ARHGAP30: variants seen among roughly 807,000 people sequenced by gnomAD.
The protein encoded by ARHGAP30 is rho GTPase-activating protein 30.
Under a neutral mutation model 72.0 loss-of-function variants are expected in ARHGAP30, and 23 were observed. The ratio of observed to expected loss-of-function variants is 0.32; its 90% confidence interval spans 0.23 to 0.45. The LOEUF (loss-of-function observed/expected upper bound fraction) is 0.45. Ranked by LOEUF, ARHGAP30 falls within the 20% of genes least tolerant of loss-of-function variation. ARHGAP30 has a pLI of 1.00. For synonymous variants in ARHGAP30, 576 were observed against 528.2 expected, an observed-to-expected ratio of 1.09 and a Z score of -1.24; for missense variants, 1,319 against 1,383.4, an observed-to-expected ratio of 0.95 and a Z score of 0.74.
chr1:161,054,809 T>A, intron 3 of ARHGAP30, 104 bp from the exon 4 acceptor site: 1 of 960,886 alleles, frequency 1.0e-6, no homozygotes, highest in Non-Finnish European at 1.7e-6. Flanking sequence ...TGCACTGGAC[T>A]CTGTGCTACC....
At position 161,069,778 on chromosome 1, in the gene ARHGAP30, G is replaced by C; in HGVS notation, c.-154C>G. 1 of 728,362 alleles carries C rather than the reference G, an allele frequency of 1.4e-6. No individual in the cohort carries two copies. Among genetic ancestry groups the C allele is most frequent in the South Asian group, 1.8e-5 (1 of 55,444 alleles). The allele number at this position is 728,362 out of a possible 1,614,324, so 45.1% of individuals were successfully genotyped here. ...GGGTGGAGGGTGGCCTGGGCAACGG[G>C]CAGCAGCTCCTGCCCCTGGGGCCCC... On this transcript the variant is annotated 5_prime_UTR_variant, in exon 1 of 12. Coordinates refer to ENST00000368013, the MANE Select transcript of ARHGAP30 (RefSeq NM_001025598.2). This position sits in a 1 kb window ranked among gnomAD's most constrained non-coding sequence, Gnocchi z 4.9.
At position 161,065,868 on chromosome 1, in the gene ARHGAP30, C is replaced by CTTATTTATTTAT. The variant is rs376275626; in HGVS notation, c.97+3648_97+3659dup. 1.2e-3 allele frequency among the ~76,000 whole-genome samples: 162 copies of CTTATTTATTTAT among 133,248 alleles called. 1 individual carries two copies. Among genetic ancestry groups the CTTATTTATTTAT allele is most frequent in the East Asian group, 3.0e-3 (14 of 4,618 alleles). 87.4% of individuals were successfully genotyped at this position (133,248 alleles called of 152,430 possible). A position where few individuals can be genotyped will look rare whatever the true frequency, so the allele number is the denominator to read the frequency against. On this transcript the variant is annotated intron_variant, in intron 1 of 11. Transcript: ENST00000368013. ...AGGCGTGAGCCACTGCACCCGGCCC[C>CTTATTTATTTAT]TTATTTATTTATTTATTTATTTATT...
chr1:161,049,076 C>T lies in ARHGAP30; in HGVS notation c.1945G>A (p.Gly649Arg), dbSNP rs201625032. 8.7e-6 allele frequency: 14 copies of T among 1,614,126 alleles called. No individual in the cohort carries two copies. The East Asian group carries it at 2.2e-4, about 26-fold the overall frequency. Residue 649 changes from glycine (G) to arginine (R), a missense_variant, in exon 12 of 12, where the codon GGG becomes AGG. Physicochemically the swap from Gly to Arg is moderately radical, Grantham distance 125. Coordinates refer to ENST00000368013, the MANE Select transcript of ARHGAP30 (RefSeq NM_001025598.2). ...ACTTCCCAGCATGCCTGCTCTTCCC[C>T]ACCCTGTCCCAGAGCCTGCCTTCCA... ...GCGRQALGQG[G>R]EEQACWEVGE...
chr1:161,060,706 T>TG, intron 1 of ARHGAP30, among the ~76,000 whole-genome samples: 1 of 146,860 alleles, frequency 6.8e-6, no homozygotes, highest in East Asian at 2.0e-4. Flanking sequence ...ACTTTTTTTT[T>TG]TTTTTTTTTT....
rs777821976 is a variant in ARHGAP30 at position 161,048,349 on chromosome 1, T to C, written c.2672A>G (p.Gln891Arg). The C allele has an allele frequency of 6.2e-7, 1 of 1,614,178 alleles. No individual in the cohort carries two copies. The highest frequency in any genetic ancestry group is 8.5e-7 in the Non-Finnish European group (1 of 1,180,026). ...HSSEMEEVAP[Q>R]PPQPEEMEPE... is the part of the protein sequence containing the mutation. ...CTCCATCTCCTCTGGCTGAGGTGGC[T>C]GTGGGGCTACCTCTTCCATCTCAGA... is the stretch of plus-strand genomic sequence containing the variant. The change falls in exon 12 of 12, where the codon CAG becomes CGG. Residue 891 changes from glutamine to arginine, a missense_variant. Transcript: ENST00000368013.
At chr1:161,057,367 A>AG (rs946932141) in intron 2 of ARHGAP30, among the ~76,000 whole-genome samples, 4 of 152,196 alleles carry the variant, frequency 2.6e-5, no homozygotes, top group African/African-American at 9.6e-5. Flanking sequence ...ACCATAGGAA[A>AG]GGGGGAAAAA....
chr1:161,048,879 C>T lies in ARHGAP30; in HGVS notation c.2142G>A (p.Glu714=). The T allele has an allele frequency of 6.2e-7, 1 of 1,614,146 alleles. No individual in the cohort carries two copies. Among genetic ancestry groups the T allele is most frequent in the Non-Finnish European group, 8.5e-7 (1 of 1,180,048 alleles). Residue 714 remains glutamate (E), a synonymous_variant, in exon 12 of 12, where the codon GAG becomes GAA. Transcript: ENST00000368013. ...GACCTTTGGACTTCTCTTCCTTGGC[C>T]TCTGTCTCTTCCCTACTCCCTTCTC... ...RLREGSREET[E]AKEEKSKGQK...
intron 1 of ARHGAP30, 52 bp from the exon 2 acceptor site, chr1:161,059,768 A>G: frequency 6.7e-7 from 1 of 1,498,158 alleles, no homozygotes; most frequent in Non-Finnish European, 9.2e-7. Context: ...CTGGGTGGTC[A>G]AAGACTGCAC....
chr1:161,051,600 T>G lies in ARHGAP30; in HGVS notation c.1134A>C (p.Ala378=). The part of the protein sequence containing the change: ...AEGEQEPEAE[A]LGGTNSEPGT... ...CTGGTTCAGAGTTTGTGCCACCCAG[T>G]GCTTCTGCCTCAGGCTCCTGTTCAC... is the stretch of plus-strand genomic sequence containing the variant. The change falls in exon 10 of 12, where the codon GCA becomes GCC. Residue 378 remains alanine (A), a synonymous_variant. Transcript: ENST00000368013. 6.2e-7 allele frequency: 1 copy of G among 1,613,788 alleles called. No individual in the cohort carries two copies. Among genetic ancestry groups the G allele is most frequent in the East Asian group, 2.2e-5 (1 of 44,882 alleles).
At position 161,048,217 on chromosome 1, in the gene ARHGAP30, C is replaced by T. The variant is rs367826999; in HGVS notation, c.2804G>A (p.Arg935His). The T allele has an allele frequency of 4.3e-6, 7 of 1,614,150 alleles. No homozygotes were observed. Among genetic ancestry groups the T allele is most frequent in the Admixed American group, 1.7e-5 (1 of 60,018 alleles). Residue 935 changes from arginine to histidine, a missense_variant, in exon 12 of 12, where the codon CGC (arginine) becomes CAC (histidine). Arg to His is a conservative substitution (Grantham distance 29). This residue lies in a region of ARHGAP30 where 1,097 missense variants were observed against 1,045.2 expected (regional missense o/e 1.05). Coordinates refer to ENST00000368013, the MANE Select transcript of ARHGAP30 (RefSeq NM_001025598.2). ...ASTLVQVQQV[R>H]SVPVVPPKPQ... is the part of the protein sequence containing the mutation. Reference sequence around the variant, plus strand: ...CTTGGGGGGCACCACAGGCACAGAGCGGACCTGTTGGACCTGAACCAGAGT... The same window carrying T: ...CTTGGGGGGCACCACAGGCACAGAGTGGACCTGTTGGACCTGAACCAGAGT...
Position 161,056,454 on chromosome 1 carries a change from C to T in ARHGAP30, c.279G>A (p.Leu93=), listed in dbSNP as rs1029278525. 3 of 1,613,932 alleles carry T rather than the reference C, an allele frequency of 1.9e-6. No individual in the cohort carries two copies. Among genetic ancestry groups the T allele is most frequent in the Non-Finnish European group, 2.5e-6 (3 of 1,179,962 alleles). The change falls in exon 3 of 12, where the codon CTG becomes CTA. Residue 93 remains leucine, a synonymous_variant. Coordinates refer to ENST00000368013, the MANE Select transcript of ARHGAP30 (RefSeq NM_001025598.2). ...GCAGTTCTCTGAAATAGGCCTTGCA[C>T]AGGGAGGAGACGCAGTGAATGTCTT... The part of the protein sequence containing the change: ...YLQDIHCVSS[L]CKAYFRELPD...
Position 161,049,222 on chromosome 1 carries a change from A to C in ARHGAP30, c.1799T>G (p.Val600Gly). Residue 600 changes from valine (V) to glycine (G), a missense_variant, in exon 12 of 12, where the codon GTT (valine) becomes GGT (glycine). Coordinates refer to ENST00000368013, the MANE Select transcript of ARHGAP30 (RefSeq NM_001025598.2). ...AACTTCCTCCCCATTTTCCTCCTCAACTTCAGGCCTGGGGCCAGCGGAGTC... is the reference window on the plus strand; with the variant it reads ...AACTTCCTCCCCATTTTCCTCCTCACCTTCAGGCCTGGGGCCAGCGGAGTC... ...SLDSAGPRPE[V>G]EEENGEEVFL... The C allele has an allele frequency of 6.2e-7, 1 of 1,614,000 alleles. No homozygotes were observed. The highest frequency in any genetic ancestry group is 8.5e-7 in the Non-Finnish European group (1 of 1,179,958).
Position 161,049,567 on chromosome 1 carries a change from C to G in ARHGAP30, c.1543G>C (p.Asp515His). The G allele has an allele frequency of 6.2e-7, 1 of 1,614,122 alleles. No homozygotes were observed. Among genetic ancestry groups the G allele is most frequent in the Non-Finnish European group, 8.5e-7 (1 of 1,180,006 alleles). The change falls in exon 11 of 12, where the codon GAC becomes CAC. Residue 515 changes from aspartate (D) to histidine (H), a missense_variant. By Grantham distance (81) the Asp-to-His change is moderately conservative (BLOSUM62 -1). Around this residue, in one of 2 missense-constraint regions of ARHGAP30, gnomAD observed 1,097 missense variants for 1,045.2 expected, o/e 1.05. Transcript: ENST00000368013. ...CACTCAGGTTCTGAGCTGCTTGAGT[C>G]CTCTAGGAAGGAGAAGGAGTCCTGC... Reference protein sequence around the residue: ...EVQDSFSFLEDSSSSEPEWVG... With the variant: ...EVQDSFSFLEHSSSSEPEWVG...
chr1:161,060,373 AT>A (rs1652228037), intron 1 of ARHGAP30: 2 of 296,350 alleles, frequency 6.7e-6, no homozygotes, highest in Non-Finnish European at 1.4e-5. Flanking sequence ...AGGTGGGTGA[AT>A]TGCCTGAGGT....
rs765357292 is a variant in ARHGAP30, at chr1:161,048,508, C to T, written c.2513G>A (p.Arg838Gln). 1.7e-5 allele frequency: 27 copies of T among 1,614,156 alleles called. No homozygotes were observed. The highest frequency in any genetic ancestry group is 2.2e-5 in the East Asian group (1 of 44,884). The stretch of plus-strand genomic sequence containing the variant: ...CTCAGCCTCTCCATCCCCACTCTCC[C>T]GTTCCTTGCTGACCTCCCCTGCTCC... Reference protein sequence around the residue: ...EGGAGEVSKERESGDGEAEGD... With the variant: ...EGGAGEVSKEQESGDGEAEGD... The change falls in exon 12 of 12, where the codon CGG becomes CAG. Residue 838 changes from arginine to glutamine, a missense_variant. Arg to Gln is a conservative substitution (Grantham distance 43). This residue lies in a region of ARHGAP30 where 1,097 missense variants were observed against 1,045.2 expected (regional missense o/e 1.05). Transcript: ENST00000368013.
At position 161,053,130 on chromosome 1, in the gene ARHGAP30, TTC is replaced by T. The variant is rs1013948038; in HGVS notation, c.664+126_664+127del. ...TGACTGCACAATTATCTCCCCAGGG[TTC>T]TCTCCATGTGGCCACTACCAACATC... On this transcript the variant is annotated intron_variant, in intron 6 of 11. Transcript: ENST00000368013. 1.1e-5 allele frequency: 15 copies of T among 1,359,824 alleles called. No individual in the cohort carries two copies. The Admixed American group carries it at 1.5e-4, about 13-fold the overall frequency. The allele number at this position is 1,359,824 out of a possible 1,614,324, so 84.2% of individuals were successfully genotyped here.
chr1:161,065,648 C>A (rs1044466433), intron 1 of ARHGAP30, among the ~76,000 whole-genome samples: 4 of 150,648 alleles, frequency 2.7e-5, no homozygotes, highest in South Asian at 2.1e-4. Flanking sequence ...TTCACTGCAA[C>A]CTCCGCCTCC....
intron 1 of ARHGAP30, among the ~76,000 whole-genome samples, chr1:161,061,709 CTG>C (rs1394579683): frequency 9.2e-5 from 14 of 152,266 alleles, no homozygotes; most frequent in Non-Finnish European, 1.5e-5. Flanking sequence ...TGTTACTAGA[CTG>C]TAAGCTTTTT....
At position 161,051,307 on chromosome 1, in the gene ARHGAP30, T is replaced by C; in HGVS notation, c.1420+7A>G. The C allele has an allele frequency of 1.3e-6, 2 of 1,586,626 alleles. No homozygotes were observed. Among genetic ancestry groups the C allele is most frequent in the Non-Finnish European group, 1.7e-6 (2 of 1,166,968 alleles). On this transcript the variant is annotated splice_region_variant and intron_variant, in intron 10 of 11. Transcript: ENST00000368013. Reference sequence around the variant, plus strand: ...TTCCTAGTCTTGGTCAATCAATGGGTCCTCACCTGGGGGGCCAGGGCCAAG... The same window carrying C: ...TTCCTAGTCTTGGTCAATCAATGGGCCCTCACCTGGGGGGCCAGGGCCAAG...
Sources: allele counts gnomAD v4.1 joint callset (sites outside exome capture counted in the v4.1 genomes callset), GRCh38; gene constraint gnomAD v4.1.1; regional missense constraint gnomAD v4.1.1; non-coding constraint Gnocchi (gnomAD v3.1); transcripts MANE v1.5; gene names NCBI Gene and HGNC (gene_info 2026-07-23, HGNC 2026-07-21).